Variants in CCDC112 observed in about 807,000 individuals in gnomAD.
CCDC112 encodes the protein coiled-coil domain-containing protein 112.
Under a neutral mutation model 66.3 loss-of-function variants are expected in CCDC112, and 40 were observed. That is an observed-to-expected ratio of 0.60 (90% CI 0.47 to 0.79). The LOEUF (loss-of-function observed/expected upper bound fraction) is 0.79. Ranked by LOEUF, CCDC112 falls within the 30% of genes least tolerant of loss-of-function variation. The pLI is 0.00. For synonymous variants in CCDC112, 214 were observed against 197.2 expected, an observed-to-expected ratio of 1.09 and a Z score of -0.71; for missense variants, 659 against 603.8, an observed-to-expected ratio of 1.09 and a Z score of -0.96.
Position 115,268,967 on chromosome 5 carries a change from GC to G in CCDC112, c.1461del (p.Arg487SerfsTer16). The G allele has an allele frequency of 6.2e-7, 1 of 1,602,012 alleles. No individual in the cohort carries two copies. Among genetic ancestry groups the G allele is most frequent in the Non-Finnish European group, 8.5e-7 (1 of 1,174,356 alleles). The part of the protein sequence containing the change: ...VENNVSRDPS[R>X]LYKPTKGWEE... ...TCCCAACCTTTGGTGGGTTTGTAAA[GC>G]CTAGAGGGATCTCTACTAACATTGT... On this transcript the variant is annotated frameshift_variant, in exon 9 of 10. Transcript: ENST00000379611. LOFTEE classifies it high-confidence loss of function.
intron 2 of CCDC112, among the ~76,000 whole-genome samples, chr5:115,283,447 A>C (rs368347668): frequency 1.3e-5 from 2 of 152,140 alleles, no homozygotes. Flanking sequence ...CTTTTCTAAG[A>C]AAGTTGATCT....
intron 1 of CCDC112, among the ~76,000 whole-genome samples, chr5:115,294,133 T>G (rs1750048065): frequency 6.6e-6 from 1 of 152,218 alleles, no homozygotes. Flanking sequence ...TTTATGAGAT[T>G]CCACGCCCTG....
intron 7 of CCDC112, among the ~76,000 whole-genome samples, chr5:115,270,206 T>C (rs2127049474): frequency 1.3e-5 from 2 of 152,232 alleles, no homozygotes; most frequent in South Asian, 4.1e-4. Flanking sequence ...CTTTTGTTAC[T>C]TAGGAAGATT....
intron 1 of CCDC112, among the ~76,000 whole-genome samples, chr5:115,289,836 A>ATC (rs1422671742): frequency 3.3e-5 from 5 of 152,074 alleles, no homozygotes; most frequent in African/African-American, 9.7e-5. Flanking sequence ...AGCACACACC[A>ATC]TCAAGCATGG....
At position 115,271,133 on chromosome 5, in the gene CCDC112, C is replaced by G. The variant is rs1748976100; in HGVS notation, c.1332+80G>C. 4 of 1,337,988 alleles carry G rather than the reference C, an allele frequency of 3.0e-6. No homozygotes were observed. In the Admixed American group the frequency reaches 7.0e-5, roughly 23 times the overall value. The allele number at this position is 1,337,988 out of a possible 1,614,324, so 82.9% of individuals were successfully genotyped here. ...TACACAGGTCCAATATACAAATACT[C>G]AATTTTTGCTTAACTGAATTTGGAA... On this transcript the variant is annotated intron_variant, in intron 7 of 9. Coordinates refer to ENST00000379611, the MANE Select transcript of CCDC112 (RefSeq NM_001040440.3).
intron 3 of CCDC112, among the ~76,000 whole-genome samples, chr5:115,278,628 C>T (rs1217829812): frequency 6.6e-6 from 1 of 151,958 alleles, no homozygotes; most frequent in Non-Finnish European, 1.5e-5. Flanking sequence ...AAATCAGCCT[C>T]CCAGTTGTCT....
intron 1 of CCDC112, among the ~76,000 whole-genome samples, chr5:115,286,129 A>G (rs1749665527): frequency 6.6e-6 from 1 of 152,224 alleles, no homozygotes; most frequent in African/African-American, 2.4e-5. Flanking sequence ...TTTTGTAACC[A>G]TCATGACTAC....
Position 115,294,291 on chromosome 5 carries a change from T to C in CCDC112, c.117+2136A>G, listed in dbSNP as rs764922276. ...GGCCTGATCCCCAAATAACTCTATC[T>C]GGAGATGGGGTCTTTATGTTAAATG... On this transcript the variant is annotated intron_variant, in intron 1 of 9. Transcript: ENST00000379611. Among the ~76,000 whole-genome samples, 7 of 152,338 alleles carry C rather than the reference T, an allele frequency of 4.6e-5. No individual in the cohort carries two copies. In the South Asian group the frequency reaches 1.0e-3, roughly 23 times the overall value.
At chr5:115,293,626 TCTC>T (rs1185379943) in intron 1 of CCDC112, among the ~76,000 whole-genome samples, 1 of 152,058 alleles carries the variant, frequency 6.6e-6, no homozygotes, top group Non-Finnish European at 1.5e-5. Flanking sequence ...CATCATCACA[TCTC>T]CTACTTCTGA....
chr5:115,275,241 A>T lies in CCDC112; in HGVS notation c.893T>A (p.Leu298Gln). ...QQHEKWYQKF[L>Q]ALEERKKESI... Reference sequence around the variant, plus strand: ...CTCTTTTTTTCTTTCTTCTAGAGCCAGAAACTTTTGATACCATTTTTCATG... The same window carrying T: ...CTCTTTTTTTCTTTCTTCTAGAGCCTGAAACTTTTGATACCATTTTTCATG... The change falls in exon 6 of 10, where the codon CTG (leucine) becomes CAG (glutamine). Residue 298 changes from leucine (L) to glutamine (Q), a missense_variant. By Grantham distance (113) the Leu-to-Gln change is moderately radical (BLOSUM62 -2). Coordinates refer to ENST00000379611, the MANE Select transcript of CCDC112 (RefSeq NM_001040440.3). 1 of 1,609,810 alleles carries T rather than the reference A, an allele frequency of 6.2e-7. No individual in the cohort carries two copies. The highest frequency in any genetic ancestry group is 8.5e-7 in the Non-Finnish European group (1 of 1,178,880).
intron 6 of CCDC112, among the ~76,000 whole-genome samples, chr5:115,271,978 G>A (rs1252084346): frequency 6.8e-6 from 1 of 146,870 alleles, no homozygotes; most frequent in African/African-American, 2.5e-5. Context: ...AGGCTGGAGT[G>A]CAGTGGCACG....
intron 1 of CCDC112, among the ~76,000 whole-genome samples, chr5:115,294,877 T>G (rs962370407): frequency 6.6e-6 from 1 of 152,156 alleles, no homozygotes; most frequent in Non-Finnish European, 1.5e-5. Context: ...TTTGTTTTGT[T>G]TTTTTAAAAA....
At chr5:115,283,813 T>C (rs1353749815) in intron 2 of CCDC112, among the ~76,000 whole-genome samples, 1 of 152,062 alleles carries the variant, frequency 6.6e-6, no homozygotes, top group African/African-American at 2.4e-5. Context: ...TCATGTCCTT[T>C]GGCAAATTGA....
intron 1 of CCDC112, among the ~76,000 whole-genome samples, chr5:115,286,139 C>A (rs1424407572): frequency 7.9e-5 from 12 of 152,140 alleles, no homozygotes. Context: ...ATCATGACTA[C>A]CCAGTTTCAG....
chr5:115,290,360 T>C (rs66611625), intron 1 of CCDC112, among the ~76,000 whole-genome samples: 16,102 of 152,230 alleles, frequency 0.11, 1,538 homozygotes, highest in African/African-American at 0.25. Flanking sequence ...GCCAGTACCA[T>C]AGTTTGATTA....
At chr5:115,286,639 T>G (rs1315433278) in intron 1 of CCDC112, among the ~76,000 whole-genome samples, 2 of 152,166 alleles carry the variant, frequency 1.3e-5, no homozygotes, top group East Asian at 3.9e-4. Flanking sequence ...TAGTGGGGCC[T>G]GGTGGCTCAT....
intron 1 of CCDC112, among the ~76,000 whole-genome samples, chr5:115,294,150 T>C (rs1220621432): frequency 6.6e-6 from 1 of 152,214 alleles, no homozygotes; most frequent in Non-Finnish European, 1.5e-5. Flanking sequence ...CCTGAGGATA[T>C]TGTAAAATAA....
At chr5:115,287,696 CTTTTTTT>C (rs778702533) in intron 1 of CCDC112, among the ~76,000 whole-genome samples, 3 of 84,718 alleles carry the variant, frequency 3.5e-5, no homozygotes, top group African/African-American at 9.9e-5. Flanking sequence ...ATCCCCTTTC[CTTTTTTT>C]TTTTTTTTTT....
chr5:115,296,351 C>T, intron 1 of CCDC112, 76 bp downstream of exon 1: 2 of 1,449,990 alleles, frequency 1.4e-6, no homozygotes, highest in South Asian at 2.8e-5. Flanking sequence ...GCCGGCGCTG[C>T]AGAGGGCACC....
Sources: gnomAD v4.1 joint callset for allele counts (sites outside exome capture counted in the v4.1 genomes callset) on GRCh38, gnomAD v4.1.1 for gene constraint, MANE v1.5 for transcripts, NCBI Gene and HGNC (gene_info 2026-07-23, HGNC 2026-07-21) for gene names.